The following NCBP2L variants were observed in gnomAD, a reference collection of about 807,000 sequenced individuals.
The protein encoded by NCBP2L is nuclear cap binding protein subunit 2 like.
For missense variants in NCBP2L, 95 were observed against 53.1 expected (o/e 1.79, Z -2.45); for synonymous variants, 39 against 19.2 (o/e 2.04, Z -2.70).
chrX:107,782,300 A>AAT (rs1217227561), intron 1 of NCBP2L, among the ~76,000 whole-genome samples: 1 of 20,565 alleles, frequency 4.9e-5, no homozygotes, highest in Admixed American at 7.6e-4. Context: ...TATATATATA[A>AAT]ATATATATAT....
At chrX:107,789,929 C>T (rs1930430554) in intron 1 of NCBP2L, among the ~76,000 whole-genome samples, 2 of 110,836 alleles carry the variant, frequency 1.8e-5, no homozygotes, top group Admixed American at 9.5e-5. Flanking sequence ...TCTGTGGTCC[C>T]AGACACAGAC....
chrX:107,781,651 CATCT>C (rs1168324440), intron 1 of NCBP2L, among the ~76,000 whole-genome samples: 37 of 65,212 alleles, frequency 5.7e-4, no homozygotes, highest in East Asian at 2.8e-3. Flanking sequence ...ATCTATCTAT[CATCT>C]ATCTATCTAT....
intron 1 of NCBP2L, among the ~76,000 whole-genome samples, chrX:107,781,556 G>A (rs1399250553): frequency 4.3e-5 from 4 of 92,429 alleles, no homozygotes; most frequent in Non-Finnish European, 6.3e-5. Flanking sequence ...CAAGCAATCC[G>A]CCTGCCTTGG....
At chrX:107,784,807 CAAAA>C (rs10550955) in intron 1 of NCBP2L, among the ~76,000 whole-genome samples, 5,139 of 41,015 alleles carry the variant, frequency 0.13, 177 homozygotes, top group East Asian at 0.2. Context: ...CCCATCTCCA[CAAAA>C]AAAAAAAAAA....
At chrX:107,790,202 A>G (rs140978000) in intron 1 of NCBP2L, among the ~76,000 whole-genome samples, 3 of 111,976 alleles carry the variant, frequency 2.7e-5, no homozygotes, top group African/African-American at 9.7e-5. Flanking sequence ...AGACCTGTTC[A>G]GTCTGTCTTC....
At chrX:107,785,078 G>GAGAA (rs1388877699) in intron 1 of NCBP2L, among the ~76,000 whole-genome samples, 1 of 108,728 alleles carries the variant, frequency 9.2e-6, no homozygotes, top group African/African-American at 3.3e-5. Context: ...AGGAAGGAAG[G>GAGAA]AGAAAGAAAG....
intron 1 of NCBP2L, among the ~76,000 whole-genome samples, chrX:107,789,965 T>A (rs1191987004): frequency 9.0e-6 from 1 of 111,094 alleles, no homozygotes; most frequent in Non-Finnish European, 1.9e-5. Flanking sequence ...CAAACCCATA[T>A]ACTAGTTAAT....
chrX:107,782,310 TAA>T (rs1481165973), intron 1 of NCBP2L, among the ~76,000 whole-genome samples: 1 of 33,398 alleles, frequency 3.0e-5, no homozygotes, highest in African/African-American at 3.5e-4. Flanking sequence ...AATATATATA[TAA>T]ATATATATAT....
rs1205282773 is a variant in NCBP2L, at chrX:107,782,328, TATATATATAA to T, written c.-73+4480_-73+4489del. On this transcript the variant is annotated intron_variant, in intron 1 of 1. Transcript: ENST00000509000. ...ATATATATAAATATATATATATAAA[TATATATATAA>T]ATATATATATATAAATATATATATA... 7.3e-4 allele frequency among the ~76,000 whole-genome samples: 29 copies of T among 39,560 alleles called. 3 individuals are homozygous for T. Among genetic ancestry groups the T allele is most frequent in the African/African-American group, 4.1e-3 (17 of 4,161 alleles). The allele number at this position is 39,560 out of a possible 115,157, so 34.4% of individuals were successfully genotyped here.
chrX:107,781,782 C>A (rs10081906), intron 1 of NCBP2L, among the ~76,000 whole-genome samples: 152 of 29,354 alleles, frequency 5.2e-3, no homozygotes, highest in Non-Finnish European at 8.7e-3. Context: ...ATATATAGAT[C>A]TATAGATATC....
At chrX:107,786,017 T>A (rs752007549) in intron 1 of NCBP2L, among the ~76,000 whole-genome samples, 1 of 111,942 alleles carries the variant, frequency 8.9e-6, no homozygotes, top group African/African-American at 3.2e-5. Flanking sequence ...GGCTATTTTT[T>A]AATATCCTTC....
intron 1 of NCBP2L, among the ~76,000 whole-genome samples, chrX:107,789,407 C>T (rs947473412): frequency 1.8e-5 from 2 of 110,280 alleles, no homozygotes; most frequent in African/African-American, 6.6e-5. Context: ...AAGAAACAAA[C>T]AAATTTTCCT....
At chrX:107,782,909 A>G (rs1196130924) in intron 1 of NCBP2L, among the ~76,000 whole-genome samples, 2 of 108,710 alleles carry the variant, frequency 1.8e-5, no homozygotes, top group Admixed American at 2.0e-4. Flanking sequence ...TCATATACAC[A>G]TACATATACA....
chrX:107,777,995 C>T (rs1238036712), intron 1 of NCBP2L, 137 bp downstream of exon 1: 2 of 101,822 alleles, frequency 2.0e-5, no homozygotes, highest in African/African-American at 3.9e-5. Flanking sequence ...ATTAATTTCC[C>T]TTTTTCTTCT....
chrX:107,779,309 C>T (rs985505485), intron 1 of NCBP2L, among the ~76,000 whole-genome samples: 5 of 112,320 alleles, frequency 4.5e-5, no homozygotes, highest in Non-Finnish European at 7.5e-5. Flanking sequence ...TCACAGGTAC[C>T]ACTAACACTA....
At chrX:107,792,082 A>G (rs1329952961) in intron 1 of NCBP2L, among the ~76,000 whole-genome samples, 2 of 112,486 alleles carry the variant, frequency 1.8e-5, no homozygotes, top group African/African-American at 6.5e-5. Flanking sequence ...AAATGAGCCA[A>G]ACAAGACATG....
At chrX:107,783,358 C>T (rs866702064) in intron 1 of NCBP2L, among the ~76,000 whole-genome samples, 2 of 61,955 alleles carry the variant, frequency 3.2e-5, no homozygotes, top group Non-Finnish European at 2.7e-5. Context: ...TGGCACTTGC[C>T]TTTTTTTTTT....
chrX:107,781,784 A>ATAGATATCTATATATATAGATATC (rs1930291919), intron 1 of NCBP2L, among the ~76,000 whole-genome samples: 7 of 73,505 alleles, frequency 9.5e-5, no homozygotes, highest in Middle Eastern at 7.3e-3. Context: ...ATATAGATCT[A>ATAGATATCTATATATATAGATATC]TAGATATCTA....
intron 1 of NCBP2L, among the ~76,000 whole-genome samples, chrX:107,779,979 C>T (rs1450757925): frequency 2.0e-5 from 2 of 98,670 alleles, no homozygotes; most frequent in East Asian, 3.5e-4. Context: ...CTCCTGACCT[C>T]GTGATCCGCC....
Sources: gnomAD v4.1 joint callset for allele counts (sites outside exome capture counted in the v4.1 genomes callset) on GRCh38, gnomAD v4.1.1 for gene constraint, MANE v1.5 for transcripts, NCBI Gene and HGNC (gene_info 2026-07-23, HGNC 2026-07-21) for gene names.